RARB: variants seen among roughly 807,000 people sequenced by gnomAD.
RARB encodes HBV-activated protein.
A neutral mutation model predicts 51.9 loss-of-function variants in RARB; 17 were observed. That is an observed-to-expected ratio of 0.33 (90% CI 0.22 to 0.49). The LOEUF is 0.49. Among genes scored for constraint, RARB ranks in the 20% least tolerant of loss-of-function variants. RARB has a pLI of 0.99. For synonymous variants in RARB, 215 were observed against 195.4 expected (o/e 1.10, Z -0.84); for missense variants, 369 against 550.8 (o/e 0.67, Z 3.30).
chr3:25,437,040 A>G (rs968826706), intron 1 of RARB, among the ~76,000 whole-genome samples: 4 of 152,070 alleles, frequency 2.6e-5, no homozygotes, highest in African/African-American at 9.6e-5. Flanking sequence ...TTGAAAACAT[A>G]TGGAAGTCAC....
intron 5 of RARB, among the ~76,000 whole-genome samples, chr3:25,416,922 C>A (rs1472093072): frequency 3.9e-5 from 6 of 152,204 alleles, no homozygotes; most frequent in Non-Finnish European, 8.8e-5. Flanking sequence ...AAAGTTCTCA[C>A]AAGCTGTTGG....
intron 2 of RARB, among the ~76,000 whole-genome samples, chr3:24,883,995 A>T (rs1375040340): frequency 6.6e-6 from 1 of 152,068 alleles, no homozygotes; most frequent in Non-Finnish European, 1.5e-5. Flanking sequence ...CTCCCATCTA[A>T]ATAGGTAACA....
chr3:25,511,531 GA>G (rs1360234240), intron 3 of RARB, among the ~76,000 whole-genome samples: 1 of 151,972 alleles, frequency 6.6e-6, no homozygotes, highest in Non-Finnish European at 1.5e-5. Context: ...TTTTATTTAA[GA>G]AAAAAAATCA....
chr3:25,423,871 G>A (rs564993311), upstream of RARB, among the ~76,000 whole-genome samples: 1 of 152,358 alleles, frequency 6.6e-6, no homozygotes, highest in Non-Finnish European at 1.5e-5. Flanking sequence ...GCAGCTCACT[G>A]CTCAGTACTG....
chr3:25,325,934 C>G (rs1013523576), intron 5 of RARB, among the ~76,000 whole-genome samples: 1 of 152,176 alleles, frequency 6.6e-6, no homozygotes, highest in Non-Finnish European at 1.5e-5. Flanking sequence ...CCAACAGATT[C>G]CAAATCACCT....
At chr3:25,487,888 A>G (rs527317372) in intron 2 of RARB, among the ~76,000 whole-genome samples, 1 of 152,328 alleles carries the variant, frequency 6.6e-6, no homozygotes, top group South Asian at 2.1e-4. Flanking sequence ...ACTTCAGGTG[A>G]TGTTGAAAAC....
chr3:25,586,652 C>G (rs894403026), intron 5 of RARB, among the ~76,000 whole-genome samples: 1 of 152,188 alleles, frequency 6.6e-6, no homozygotes, highest in Admixed American at 6.5e-5. Context: ...CTTCTGGTGA[C>G]GCAAAAGTGA....
chr3:24,993,812 T>G (rs912357159), intron 2 of RARB, among the ~76,000 whole-genome samples: 5 of 152,154 alleles, frequency 3.3e-5, no homozygotes, highest in Non-Finnish European at 7.4e-5. Context: ...CCAGTTCCAT[T>G]CATTTTGCCA....
At position 24,838,557 on chromosome 3, in the gene RARB, A is replaced by G. The variant is rs76032483; in HGVS notation, c.-459+9154A>G. 4.8e-3 allele frequency among the ~76,000 whole-genome samples: 733 copies of G among 152,348 alleles called. 6 individuals carry two copies. Among genetic ancestry groups the G allele is most frequent in the African/African-American group, 0.017 (710 of 41,576 alleles). ...TAAGCTTTTGGCAAAGGACAAAGCA[A>G]TGATGTTCTAGTACATCCTGTAATA... On this transcript the variant is annotated intron_variant, in intron 1 of 11. Coordinates refer to the RARB transcript ENST00000383772.
intron 2 of RARB, among the ~76,000 whole-genome samples, chr3:24,870,103 C>T (rs952431243): frequency 4.6e-5 from 7 of 152,022 alleles, no homozygotes; most frequent in Non-Finnish European, 7.4e-5. Flanking sequence ...ATCCTGGAGA[C>T]TAATCTTTGT....
chr3:25,257,811 C>T (rs940857321), intron 5 of RARB, among the ~76,000 whole-genome samples: 4 of 152,026 alleles, frequency 2.6e-5, no homozygotes, highest in Non-Finnish European at 5.9e-5. Flanking sequence ...CCTTCTAAGC[C>T]CTCTTTGTTA....
intron 2 of RARB, among the ~76,000 whole-genome samples, chr3:25,475,352 T>C (rs1478530459): frequency 1.3e-5 from 2 of 152,074 alleles, no homozygotes; most frequent in African/African-American, 4.8e-5. Context: ...AGGAACTAAA[T>C]GTTTACCTGT....
chr3:25,556,343 C>T (rs1035011506), intron 3 of RARB, among the ~76,000 whole-genome samples: 1 of 152,228 alleles, frequency 6.6e-6, no homozygotes, highest in East Asian at 1.9e-4. Flanking sequence ...TGAGACTGAC[C>T]TGGGAGCTTT....
At chr3:25,402,396 G>T (rs890968626) in intron 5 of RARB, among the ~76,000 whole-genome samples, 5 of 152,136 alleles carry the variant, frequency 3.3e-5, no homozygotes, top group African/African-American at 9.7e-5. Flanking sequence ...CAGTTTGGAG[G>T]TTCCTCAAAA....
At chr3:24,922,968 G>A (rs1695249365) in intron 2 of RARB, among the ~76,000 whole-genome samples, 2 of 152,116 alleles carry the variant, frequency 1.3e-5, no homozygotes, top group African/African-American at 4.8e-5. Flanking sequence ...AAGTTTAAAT[G>A]ACAAAGAGAC....
rs143889910 is a variant in RARB, at chr3:24,925,219, T to C, written c.-380+66467T>C. 6.7e-3 allele frequency among the ~76,000 whole-genome samples: 1,013 copies of C among 152,278 alleles called. 7 individuals are homozygous for C. Among genetic ancestry groups the C allele is most frequent in the African/African-American group, 0.023 (970 of 41,574 alleles). On this transcript the variant is annotated intron_variant, in intron 2 of 11. Coordinates refer to the RARB transcript ENST00000383772. Reference sequence around the variant, plus strand: ...AAAGGAAAGAATATGTCATTTTCCCTTTTTAAATATACTATTAATTGCAAA... The same window carrying C: ...AAAGGAAAGAATATGTCATTTTCCCCTTTTAAATATACTATTAATTGCAAA...
At chr3:25,359,438 T>C (rs1232764577) in intron 5 of RARB, among the ~76,000 whole-genome samples, 2 of 152,160 alleles carry the variant, frequency 1.3e-5, no homozygotes, top group Non-Finnish European at 2.9e-5. Flanking sequence ...CCTGGATTCA[T>C]TGATTTTTCG....
chr3:25,178,897 G>A (rs867979049), intron 5 of RARB, among the ~76,000 whole-genome samples: 1 of 152,250 alleles, frequency 6.6e-6, no homozygotes, highest in Middle Eastern at 3.4e-3. Flanking sequence ...TCCTTTCATG[G>A]CTGCTTGTTC....
At chr3:25,264,432 T>G (rs1703078899) in intron 5 of RARB, among the ~76,000 whole-genome samples, 1 of 152,158 alleles carries the variant, frequency 6.6e-6, no homozygotes, top group Admixed American at 6.5e-5. Context: ...GCCACTTGAA[T>G]TCAGTGAATT....
Sources: allele counts gnomAD v4.1 joint callset (sites outside exome capture counted in the v4.1 genomes callset), GRCh38; gene constraint gnomAD v4.1.1; transcripts MANE v1.5; gene names NCBI Gene and HGNC (gene_info 2026-07-23, HGNC 2026-07-21).